Variants in SIAH1 observed in about 807,000 individuals in gnomAD.
The protein encoded by SIAH1 is E3 ubiquitin-protein ligase SIAH1.
In SIAH1, 2 loss-of-function variants were observed where a neutral mutation model predicts 20.0. That is an observed-to-expected ratio of 0.10 (90% CI 0.04 to 0.31). The LOEUF is 0.31. Ranked by LOEUF, SIAH1 falls within the 10% of genes least tolerant of loss-of-function variation. SIAH1 has a pLI of 1.00. For synonymous variants in SIAH1, 118 were observed against 125.3 expected (o/e 0.94, Z 0.39); for missense variants, 119 against 355.3 (o/e 0.33, Z 5.35).
At chr16:48,380,846 T>G (rs1961259371) in intron 1 of SIAH1, among the ~76,000 whole-genome samples, 1 of 141,754 alleles carries the variant, frequency 7.1e-6, no homozygotes, top group Admixed American at 7.8e-5. Flanking sequence ...GAGAAATCAC[T>G]TGAACCTGGG....
intron 1 of SIAH1, among the ~76,000 whole-genome samples, chr16:48,370,636 C>A (rs943251634): frequency 6.6e-6 from 1 of 151,914 alleles, no homozygotes; most frequent in African/African-American, 2.4e-5. Context: ...GAAACCCCGT[C>A]TCTACTAAAA....
chr16:48,376,442 C>G (rs564044203), intron 1 of SIAH1, among the ~76,000 whole-genome samples: 1 of 152,088 alleles, frequency 6.6e-6, no homozygotes, highest in South Asian at 2.1e-4. Flanking sequence ...AGCCTATTCA[C>G]AAAAAACTAC....
intron 1 of SIAH1, among the ~76,000 whole-genome samples, chr16:48,379,741 C>CA (rs1224549048): frequency 6.6e-6 from 1 of 152,122 alleles, no homozygotes; most frequent in Non-Finnish European, 1.5e-5. Context: ...TATGGGAACA[C>CA]AGAGATGACA....
chr16:48,375,465 C>A (rs1445308380), intron 1 of SIAH1, among the ~76,000 whole-genome samples: 1 of 152,024 alleles, frequency 6.6e-6, no homozygotes, highest in East Asian at 1.9e-4. Flanking sequence ...CATGGTGAAA[C>A]TGTTTCTACT....
intron 1 of SIAH1, among the ~76,000 whole-genome samples, chr16:48,369,575 C>T (rs1417461117): frequency 6.6e-6 from 1 of 151,668 alleles, no homozygotes; most frequent in Non-Finnish European, 1.5e-5. Flanking sequence ...CTCATCTCCA[C>T]AAAAAAAATA....
At chr16:48,367,300 A>C (rs1313838197) in intron 1 of SIAH1, among the ~76,000 whole-genome samples, 1 of 152,240 alleles carries the variant, frequency 6.6e-6, no homozygotes, top group African/African-American at 2.4e-5. Context: ...CAACAAAAAG[A>C]TGACTGATTA....
At chr16:48,378,089 C>T (rs1252681394) in intron 1 of SIAH1, among the ~76,000 whole-genome samples, 3 of 152,140 alleles carry the variant, frequency 2.0e-5, no homozygotes, top group African/African-American at 4.8e-5. Flanking sequence ...CAGTGGCTCA[C>T]GCCTGTAATC....
intron 1 of SIAH1, among the ~76,000 whole-genome samples, chr16:48,374,840 A>C (rs1032615542): frequency 5.3e-5 from 8 of 152,228 alleles, no homozygotes; most frequent in African/African-American, 1.4e-4. Flanking sequence ...AGTCAGGATA[A>C]GCAAATAAAA....
rs765186722 is a variant in SIAH1 at position 48,361,647 on chromosome 16, G to T, written c.782C>A (p.Thr261Asn). The change falls in exon 2 of 2, where the codon ACC (threonine) becomes AAC (asparagine). Residue 261 changes from threonine to asparagine, a missense_variant. By Grantham distance (65) the Thr-to-Asn change is moderately conservative. Transcript: ENST00000394725. The part of the protein sequence containing the change: ...IMNSDCLVFD[T>N]SIAQLFAENG... The stretch of plus-strand genomic sequence containing the variant: ...TTCTGCAAAAAGCTGTGCAATGCTG[G>T]TGTCAAAGACTAGACAGTCGCTATT... 6.2e-7 allele frequency: 1 copy of T among 1,612,772 alleles called. No homozygotes were observed. Among genetic ancestry groups the T allele is most frequent in the African/African-American group, 1.3e-5 (1 of 74,894 alleles).
At position 48,362,444 on chromosome 16, in the gene SIAH1, A is replaced by G. The variant is rs369461465; in HGVS notation, c.-2-14T>C. 1.3e-4 allele frequency: 203 copies of G among 1,612,294 alleles called. No individual in the cohort carries two copies. The highest frequency in any genetic ancestry group is 1.2e-3 in the Middle Eastern group (7 of 6,058). On this transcript the variant is annotated splice_polypyrimidine_tract_variant and intron_variant, in intron 1 of 1. Transcript: ENST00000394725. This position sits in a 1 kb window ranked among gnomAD's most constrained non-coding sequence, Gnocchi z 4.2. The stretch of plus-strand genomic sequence containing the variant: ...GACGGCTCATTTCTGAAATAAATAC[A>G]TAAGGAGGCAGGAGAAAAATAATTA...
chr16:48,379,638 C>G (rs767728998), intron 1 of SIAH1, among the ~76,000 whole-genome samples: 2 of 152,146 alleles, frequency 1.3e-5, no homozygotes, highest in Non-Finnish European at 2.9e-5. Context: ...ATGACCAAGT[C>G]GTCATAGAGA....
chr16:48,377,001 G>A (rs575672762), intron 1 of SIAH1, among the ~76,000 whole-genome samples: 4 of 152,196 alleles, frequency 2.6e-5, no homozygotes, highest in Non-Finnish European at 5.9e-5. Context: ...AGAGAAGCTA[G>A]TATACACTTA....
chr16:48,380,464 A>G (rs78055790), intron 1 of SIAH1, among the ~76,000 whole-genome samples: 1 of 139,340 alleles, frequency 7.2e-6, no homozygotes, highest in South Asian at 2.2e-4. Context: ...AAAAACAAAC[A>G]AAAAAAAAAC....
intron 1 of SIAH1, among the ~76,000 whole-genome samples, chr16:48,381,960 G>C (rs1251248668): frequency 6.6e-6 from 1 of 151,974 alleles, no homozygotes; most frequent in African/African-American, 2.4e-5. Flanking sequence ...TAGGGGCAGG[G>C]GCTACACGCG....
chr16:48,383,340 T>C (rs1434866922), intron 1 of SIAH1, among the ~76,000 whole-genome samples: 1 of 152,212 alleles, frequency 6.6e-6, no homozygotes, highest in African/African-American at 2.4e-5. Context: ...AATGAAACAC[T>C]ACACAACCAA....
At chr16:48,370,855 T>TA (rs1960966943) in intron 1 of SIAH1, among the ~76,000 whole-genome samples, 2 of 150,388 alleles carry the variant, frequency 1.3e-5, no homozygotes, top group South Asian at 4.2e-4. Context: ...CTCACACCTG[T>TA]AATCCCAACA....
chr16:48,372,804 T>TA (rs1410662843), intron 1 of SIAH1, among the ~76,000 whole-genome samples: 1 of 152,216 alleles, frequency 6.6e-6, no homozygotes, highest in Non-Finnish European at 1.5e-5. Flanking sequence ...GTCAATCCCA[T>TA]AAGTGCAGTT....
chr16:48,377,696 T>G, intron 1 of SIAH1, among the ~76,000 whole-genome samples: 1 of 151,396 alleles, frequency 6.6e-6, no homozygotes, highest in Non-Finnish European at 1.5e-5. Context: ...ACGCTGAGCC[T>G]CCTGAAGATT....
At chr16:48,367,714 C>G (rs1203325656) in intron 1 of SIAH1, among the ~76,000 whole-genome samples, 1 of 152,212 alleles carries the variant, frequency 6.6e-6, no homozygotes, top group African/African-American at 2.4e-5. Flanking sequence ...TCAAACATGT[C>G]TGCCAAGAAT....
Sources: gnomAD v4.1 joint callset for allele counts (sites outside exome capture counted in the v4.1 genomes callset) on GRCh38, gnomAD v4.1.1 for gene constraint, Gnocchi (gnomAD v3.1) non-coding constraint, MANE v1.5 for transcripts, NCBI Gene and HGNC (gene_info 2026-07-23, HGNC 2026-07-21) for gene names.